The following CDKAL1 variants were observed in gnomAD, a reference collection of about 807,000 sequenced individuals.
CDKAL1 encodes the protein CDKAL1 threonylcarbamoyladenosine tRNA methylthiotransferase.
CDKAL1 carries 32 observed loss-of-function variants against 68.2 expected under a neutral mutation model. The ratio of observed to expected loss-of-function variants is 0.47; its 90% CI spans 0.35 to 0.63. CDKAL1 has a LOEUF of 0.63. Ranked by LOEUF, CDKAL1 falls within the 30% of genes least tolerant of loss-of-function variation. The probability of loss-of-function intolerance (pLI) is 0.00; values close to 1 mark genes in which losing one functional copy is unlikely to be tolerated. For synonymous variants in CDKAL1, 234 were observed against 244.3 expected, an observed-to-expected ratio of 0.96 and a Z score of 0.39; for missense variants, 606 against 696.7, an observed-to-expected ratio of 0.87 and a Z score of 1.47.
At chr6:20,787,650 G>C (rs1775731232) in intron 8 of CDKAL1, among the ~76,000 whole-genome samples, 1 of 152,160 alleles carries the variant, frequency 6.6e-6, no homozygotes, top group South Asian at 2.1e-4. Context: ...TACATCCTCA[G>C]GCAACCAGAA....
intron 8 of CDKAL1, among the ~76,000 whole-genome samples, chr6:20,799,459 AGACAG>A (rs1458374150): frequency 6.7e-6 from 1 of 149,926 alleles, no homozygotes; most frequent in Non-Finnish European, 1.5e-5. Context: ...ACGATTAATA[AGACAG>A]TTACCACACC....
chr6:20,602,752 G>A (rs1766159741), intron 4 of CDKAL1, among the ~76,000 whole-genome samples: 1 of 152,122 alleles, frequency 6.6e-6, no homozygotes, highest in Non-Finnish European at 1.5e-5. Context: ...GTTGTTCTTT[G>A]ATTCCCTGGG....
At chr6:20,884,178 T>C (rs1219408534) in intron 9 of CDKAL1, among the ~76,000 whole-genome samples, 1 of 152,078 alleles carries the variant, frequency 6.6e-6, no homozygotes, top group Non-Finnish European at 1.5e-5. Flanking sequence ...AATCAATCAA[T>C]ATAATATAGC....
intron 8 of CDKAL1, among the ~76,000 whole-genome samples, chr6:20,809,967 C>T (rs1396922102): frequency 2.0e-5 from 3 of 152,218 alleles, no homozygotes; most frequent in South Asian, 4.1e-4. Context: ...AAACAAGCAT[C>T]AAGTTGGTTT....
chr6:20,752,081 T>G (rs1181755409), intron 6 of CDKAL1, among the ~76,000 whole-genome samples: 1 of 151,246 alleles, frequency 6.6e-6, no homozygotes, highest in African/African-American at 2.4e-5. Context: ...TAACTCCCCC[T>G]CCCCTGACTC....
intron 8 of CDKAL1, among the ~76,000 whole-genome samples, chr6:20,833,010 A>G (rs1777781046): frequency 6.6e-6 from 1 of 152,174 alleles, no homozygotes; most frequent in Admixed American, 6.5e-5. Flanking sequence ...CAGAATTCCC[A>G]GCACATTTCA....
intron 9 of CDKAL1, among the ~76,000 whole-genome samples, chr6:20,847,151 G>A (rs1010718516): frequency 5.3e-5 from 8 of 152,076 alleles, no homozygotes; most frequent in African/African-American, 1.9e-4. Context: ...CCTCCCAACA[G>A]TTTTTCTCTA....
In CDKAL1 at chr6:20,678,744, G is replaced by T. The variant is rs9465863; in HGVS notation, c.371+29367G>T. Among the ~76,000 whole-genome samples the T allele has an allele frequency of 5.6e-3, 851 of 152,026 alleles. 7 individuals are homozygous for T. Among genetic ancestry groups the T allele is most frequent in the African/African-American group, 0.02 (810 of 41,506 alleles). The stretch of plus-strand genomic sequence containing the variant: ...TGTTTGGTCTCTGCTCTGTTGTGAT[G>T]TTTTAAAATTATATATATTATTTTT... On this transcript the variant is annotated intron_variant, in intron 5 of 15. Transcript: ENST00000274695.
At chr6:20,784,511 C>T (rs1775585987) in intron 8 of CDKAL1, among the ~76,000 whole-genome samples, 1 of 139,282 alleles carries the variant, frequency 7.2e-6, no homozygotes, top group Admixed American at 7.5e-5. Context: ...GCAACCTCCG[C>T]CCTCCTGGGT....
At chr6:20,818,479 G>C (rs1777140448) in intron 8 of CDKAL1, among the ~76,000 whole-genome samples, 1 of 151,908 alleles carries the variant, frequency 6.6e-6, no homozygotes, top group Non-Finnish European at 1.5e-5. Context: ...TAACTTTTCT[G>C]TCTCCTATAA....
chr6:20,806,969 A>G (rs887089646), intron 8 of CDKAL1, among the ~76,000 whole-genome samples: 32 of 152,214 alleles, frequency 2.1e-4, no homozygotes, highest in African/African-American at 7.0e-4. Flanking sequence ...TGTTTAAAGC[A>G]TATGTTCATT....
chr6:21,170,998 C>T (rs948574537), intron 13 of CDKAL1, among the ~76,000 whole-genome samples: 8 of 152,088 alleles, frequency 5.3e-5, no homozygotes, highest in African/African-American at 1.9e-4. Flanking sequence ...CCTGATTACC[C>T]ACTTTTATTA....
chr6:20,614,824 AT>A (rs1448454159), intron 4 of CDKAL1, among the ~76,000 whole-genome samples: 1 of 151,876 alleles, frequency 6.6e-6, no homozygotes, highest in Non-Finnish European at 1.5e-5. Context: ...ACATGTGCAC[AT>A]TGTGCAGGTT....
chr6:21,141,092 T>C (rs1470970577), intron 13 of CDKAL1, among the ~76,000 whole-genome samples: 2 of 152,086 alleles, frequency 1.3e-5, no homozygotes, highest in African/African-American at 4.8e-5. Context: ...ACAATTCAAG[T>C]TGAGATTTGA....
At chr6:20,933,075 G>A (rs1025485100) in intron 9 of CDKAL1, among the ~76,000 whole-genome samples, 1 of 152,152 alleles carries the variant, frequency 6.6e-6, no homozygotes, top group Non-Finnish European at 1.5e-5. Context: ...TTCCCAAGGA[G>A]AGAAAAAATG....
At chr6:20,667,358 G>A (rs1347967040) in intron 5 of CDKAL1, among the ~76,000 whole-genome samples, 1 of 152,170 alleles carries the variant, frequency 6.6e-6, no homozygotes, top group African/African-American at 2.4e-5. Context: ...ATACAGTGAG[G>A]GAAGTGTGGT....
intron 15 of CDKAL1, among the ~76,000 whole-genome samples, chr6:21,228,055 A>G (rs1236313832): frequency 6.6e-6 from 1 of 152,158 alleles, no homozygotes; most frequent in Non-Finnish European, 1.5e-5. Context: ...GCCTGGCACC[A>G]CTAATCATGG....
At chr6:20,927,663 G>A (rs989863362) in intron 9 of CDKAL1, among the ~76,000 whole-genome samples, 2 of 152,090 alleles carry the variant, frequency 1.3e-5, no homozygotes, top group Non-Finnish European at 2.9e-5. Context: ...TATGTCCTAG[G>A]AAACGTTTTC....
intron 6 of CDKAL1, among the ~76,000 whole-genome samples, chr6:20,756,921 T>TCCATCCCTTCCTTCCC (rs1774233659): frequency 9.2e-6 from 1 of 108,306 alleles, no homozygotes. Flanking sequence ...CCTTCCTTCC[T>TCCATCCCTTCCTTCCC]TCCCTCCTTC....
Sources: allele counts gnomAD v4.1 joint callset (sites outside exome capture counted in the v4.1 genomes callset), GRCh38; gene constraint gnomAD v4.1.1; transcripts MANE v1.5; gene names NCBI Gene and HGNC (gene_info 2026-07-23, HGNC 2026-07-21).